Variants in CKAP2L observed in about 807,000 individuals in gnomAD.
CKAP2L encodes cytoskeleton associated protein 2L.
In CKAP2L, 42 loss-of-function variants were observed where a neutral mutation model predicts 65.7. The observed-to-expected ratio is 0.64, with a 90% CI of 0.50 to 0.83. The LOEUF (loss-of-function observed/expected upper bound fraction) is 0.83, where lower values mean the gene tolerates loss of function less well. Ranked by LOEUF, CKAP2L falls within the 40% of genes least tolerant of loss-of-function variation. CKAP2L has a pLI of 0.00. For synonymous variants in CKAP2L, 325 were observed against 313.5 expected (o/e 1.04, Z -0.39); for missense variants, 908 against 871.0 (o/e 1.04, Z -0.53).
rs1307993107 is a variant in CKAP2L, at chr2:112,747,553, C to CA, written c.1603-979dup. On this transcript the variant is annotated intron_variant, in intron 5 of 8. Transcript: ENST00000302450. Reference sequence around the variant, plus strand: ...GTTTATGAAAGAGGGTTAAATCCCACAAAAAGATAATTTGAAATGGATTCA... The same window carrying CA: ...GTTTATGAAAGAGGGTTAAATCCCACAAAAAAGATAATTTGAAATGGATTCA... Among the ~76,000 whole-genome samples the CA allele has an allele frequency of 5.3e-5, 8 of 152,242 alleles. No homozygotes were observed. The East Asian group carries it at 1.5e-3, about 29-fold the overall frequency.
chr2:112,756,713 T>TAAACTAATCAAA lies in CKAP2L; in HGVS notation c.657_658insTTTGATTAGTTT (p.Asn219_Ser220insPheAspTer). 6.3e-7 allele frequency: 1 copy of TAAACTAATCAAA among 1,592,020 alleles called. No individual in the cohort carries two copies. The highest frequency in any genetic ancestry group is 8.5e-7 in the Non-Finnish European group (1 of 1,172,476). ...CCCAAGGCTTGTTTAGGAACTAAAC[T>TAAACTAATCAAA]GTTCTTGGTTTGATTATAAGAGTCA... On this transcript the variant is annotated stop_gained and inframe_insertion, in exon 4 of 9. Coordinates refer to ENST00000302450, the MANE Select transcript of CKAP2L (RefSeq NM_152515.5). LOFTEE classifies it high-confidence loss of function.
intron 5 of CKAP2L, 70 bp downstream of exon 5, chr2:112,752,197 T>C (rs1680390122): frequency 1.9e-6 from 2 of 1,072,420 alleles, no homozygotes; most frequent in Admixed American, 4.2e-5. Context: ...TCCTATATTA[T>C]ATTTAGGAAT....
chr2:112,753,206 C>T (rs1680430828), intron 4 of CKAP2L, among the ~76,000 whole-genome samples: 1 of 152,154 alleles, frequency 6.6e-6, no homozygotes, highest in South Asian at 2.1e-4. Context: ...CTCCCTGGAT[C>T]CCCAAACTTT....
At chr2:112,739,717 C>T (rs1014423696) in intron 8 of CKAP2L, among the ~76,000 whole-genome samples, 3 of 152,162 alleles carry the variant, frequency 2.0e-5, no homozygotes, top group Admixed American at 2.0e-4. Flanking sequence ...TCCAGTGGTG[C>T]AATCACAGCT....
At chr2:112,753,989 T>C (rs1480113258) in intron 4 of CKAP2L, among the ~76,000 whole-genome samples, 1 of 152,212 alleles carries the variant, frequency 6.6e-6, no homozygotes, top group Non-Finnish European at 1.5e-5. Context: ...GTGTAAGCTC[T>C]ATGAAGGCAG....
At chr2:112,760,400 A>G (rs116769405) in intron 3 of CKAP2L, among the ~76,000 whole-genome samples, 1,608 of 152,322 alleles carry the variant, frequency 0.011, 22 homozygotes, top group Non-Finnish European at 0.012. Context: ...TAGTAGCCTC[A>G]TAAGATTGTG....
intron 8 of CKAP2L, among the ~76,000 whole-genome samples, chr2:112,739,631 G>C (rs1341626237): frequency 2.6e-5 from 4 of 152,152 alleles, no homozygotes; most frequent in Non-Finnish European, 5.9e-5. Flanking sequence ...AAATTTGGTT[G>C]AATTAATGAA....
At chr2:112,759,101 A>G (rs1454337302) in intron 3 of CKAP2L, among the ~76,000 whole-genome samples, 1 of 152,138 alleles carries the variant, frequency 6.6e-6, no homozygotes, top group Non-Finnish European at 1.5e-5. Context: ...TTTAAAATTA[A>G]CTTTTTTAGA....
At chr2:112,743,086 T>A (rs1189921872) in intron 6 of CKAP2L, among the ~76,000 whole-genome samples, 4 of 152,220 alleles carry the variant, frequency 2.6e-5, no homozygotes, top group Non-Finnish European at 5.9e-5. Context: ...TATTCCTACA[T>A]AAAAATTCTG....
In CKAP2L at chr2:112,752,288, T is replaced by C. The variant is rs778273285; in HGVS notation, c.1581A>G (p.Glu527=). The C allele has an allele frequency of 6.2e-7, 1 of 1,613,290 alleles. No individual in the cohort carries two copies. Among genetic ancestry groups the C allele is most frequent in the Non-Finnish European group, 8.5e-7 (1 of 1,179,414 alleles). The change falls in exon 5 of 9, where the codon GAA becomes GAG. Residue 527 remains glutamate, a synonymous_variant. Transcript: ENST00000302450. The stretch of plus-strand genomic sequence containing the variant: ...TTACCCCTTCGATGAGGTTCAGACA[T>C]TCTGTCAGAGTGTTGTTAATTTTAC... The part of the protein sequence containing the change: ...LSSKINNTLT[E]CLNLIEGGVP...
intron 8 of CKAP2L, among the ~76,000 whole-genome samples, 185 bp downstream of exon 8, chr2:112,740,633 T>C (rs1679864431): frequency 6.6e-6 from 1 of 152,052 alleles, no homozygotes; most frequent in Admixed American, 6.6e-5. Context: ...GCAGGACAAA[T>C]GAGAGTGAAA....
Position 112,737,470 on chromosome 2 carries a change from TTAA to T in CKAP2L, c.*1350_*1352del, listed in dbSNP as rs1202303279. On this transcript the variant is annotated 3_prime_UTR_variant, in exon 9 of 9. Transcript: ENST00000302450. ...GTTTTAATTTACATTATTCTTATGA[TTAA>T]TGATGCTGAACACCTTTTCATATCT... The T allele has an allele frequency of 1.3e-5, 2 of 152,352 alleles. No individual in the cohort carries two copies. The highest frequency in any genetic ancestry group is 2.1e-4 in the South Asian group (1 of 4,834). 9.4% of individuals were successfully genotyped at this position (152,352 alleles called of 1,614,324 possible).
chr2:112,740,404 A>C (rs116011978), intron 8 of CKAP2L, among the ~76,000 whole-genome samples: 344 of 152,320 alleles, frequency 2.3e-3, no homozygotes, highest in African/African-American at 8.0e-3. Context: ...TTCTGCCTTA[A>C]ATTTATATTT....
intron 3 of CKAP2L, among the ~76,000 whole-genome samples, chr2:112,760,474 T>C (rs1205690670): frequency 1.3e-5 from 2 of 152,218 alleles, no homozygotes; most frequent in African/African-American, 4.8e-5. Context: ...TCAATAAATG[T>C]TAGCTATCAA....
intron 7 of CKAP2L, chr2:112,742,482 G>C: frequency 5.6e-6 from 4 of 718,158 alleles, no homozygotes; most frequent in Non-Finnish European, 5.2e-6. Flanking sequence ...TCCAGTCTAG[G>C]CTGTTTTGGT....
chr2:112,752,417 C>T lies in CKAP2L; in HGVS notation c.1452G>A (p.Met484Ile), dbSNP rs1405311122. 6.2e-7 allele frequency: 1 copy of T among 1,612,372 alleles called. No homozygotes were observed. The highest frequency in any genetic ancestry group is 1.7e-5 in the Admixed American group (1 of 59,952). The change falls in exon 5 of 9, where the codon ATG becomes ATA. Residue 484 changes from methionine (M) to isoleucine (I), a missense_variant. By Grantham distance (10) the Met-to-Ile change is conservative. Transcript: ENST00000302450. ...SKGKTYKRPP[M>I]ELKTKRKVIK... Reference sequence around the variant, plus strand: ...TTACTTTTCTTTTTGTTTTAAGTTCCATAGGAGGCCGTTTATAGGTTTTTC... The same window carrying T: ...TTACTTTTCTTTTTGTTTTAAGTTCTATAGGAGGCCGTTTATAGGTTTTTC...
chr2:112,744,947 CAA>C (rs1680155951), intron 6 of CKAP2L, among the ~76,000 whole-genome samples: 2 of 151,856 alleles, frequency 1.3e-5, no homozygotes, highest in Admixed American at 6.6e-5. Flanking sequence ...CAAACAATAA[CAA>C]GAGAGAAAGA....
chr2:112,761,576 G>A (rs1490535348), intron 2 of CKAP2L, among the ~76,000 whole-genome samples: 1 of 146,750 alleles, frequency 6.8e-6, no homozygotes, highest in African/African-American at 2.5e-5. Context: ...AGACACACAT[G>A]AAATATAGCT....
intron 4 of CKAP2L, among the ~76,000 whole-genome samples, chr2:112,755,145 T>G (rs1478943413): frequency 6.6e-6 from 1 of 152,222 alleles, no homozygotes; most frequent in African/African-American, 2.4e-5. Context: ...CCTTATTTTC[T>G]ACTTCAAGCA....
Sources: gnomAD v4.1 joint callset for allele counts (sites outside exome capture counted in the v4.1 genomes callset) on GRCh38, gnomAD v4.1.1 for gene constraint, MANE v1.5 for transcripts, NCBI Gene and HGNC (gene_info 2026-07-23, HGNC 2026-07-21) for gene names.